The following IMMP2L variants were observed in gnomAD, a reference collection of about 807,000 sequenced individuals.
IMMP2L encodes inner mitochondrial membrane peptidase subunit 2.
A neutral mutation model predicts 19.3 loss-of-function variants in IMMP2L; 18 were observed. That is an observed-to-expected ratio of 0.93 (90% CI 0.64 to 1.38). The LOEUF is 1.38. Ranked by LOEUF, IMMP2L falls within the 40% of genes most tolerant of loss-of-function variation. The pLI is 0.00. For missense variants in IMMP2L, 233 were observed against 218.2 expected (o/e 1.07, Z -0.43); for synonymous variants, 76 against 73.0 (o/e 1.04, Z -0.21).
At chr7:110,763,324 T>C (rs1432460102) in intron 5 of IMMP2L, among the ~76,000 whole-genome samples, 1 of 152,156 alleles carries the variant, frequency 6.6e-6, no homozygotes, top group Non-Finnish European at 1.5e-5. Context: ...CTTTCAACCC[T>C]GACGACACAC....
At chr7:111,473,037 C>A (rs960750472) in intron 3 of IMMP2L, among the ~76,000 whole-genome samples, 2 of 151,936 alleles carry the variant, frequency 1.3e-5, no homozygotes, top group African/African-American at 4.8e-5. Context: ...TGTACGTATA[C>A]CCTATATTTA....
rs371301784 is a variant in IMMP2L, at chr7:110,994,836, A to C, written c.240-31271T>G. ...GTGACTCACAGGATATTGTACAGCA[A>C]GAAGGAGTTAAGCTTTAACACTTCT... On this transcript the variant is annotated intron_variant, in intron 3 of 5. Coordinates refer to ENST00000405709, the MANE Select transcript of IMMP2L (RefSeq NM_032549.4). Among the ~76,000 whole-genome samples, 117 of 152,296 alleles carry C rather than the reference A, an allele frequency of 7.7e-4. 1 individual carries two copies. Among genetic ancestry groups the C allele is most frequent in the African/African-American group, 2.7e-3 (114 of 41,582 alleles).
intron 3 of IMMP2L, chr7:111,392,060 T>C (rs1305875922): frequency 1.4e-6 from 1 of 696,946 alleles, no homozygotes; most frequent in East Asian, 2.7e-5. Context: ...TTGATTGCAT[T>C]TATATCCAGC....
intron 3 of IMMP2L, among the ~76,000 whole-genome samples, chr7:111,309,470 A>G (rs1563042017): frequency 6.6e-6 from 1 of 152,168 alleles, no homozygotes. Flanking sequence ...ACCATTTAGT[A>G]TATCAGAAGT....
At chr7:111,085,714 A>G (rs1357733770) in intron 3 of IMMP2L, among the ~76,000 whole-genome samples, 1 of 152,204 alleles carries the variant, frequency 6.6e-6, no homozygotes, top group Non-Finnish European at 1.5e-5. Flanking sequence ...TATTCACAAC[A>G]GCAAAGATAT....
chr7:111,304,403 C>T lies in IMMP2L; in HGVS notation c.239+182835G>A, dbSNP rs184547597. On this transcript the variant is annotated intron_variant, in intron 3 of 5. Coordinates refer to ENST00000405709, the MANE Select transcript of IMMP2L (RefSeq NM_032549.4). ...AAAGGGGACAATAGTAAAAATCATG[C>T]CCCAAATGGAAATGAAATTAGCACC... 1.4e-3 allele frequency among the ~76,000 whole-genome samples: 213 copies of T among 151,826 alleles called. 1 individual carries two copies. The highest frequency in any genetic ancestry group is 4.9e-3 in the African/African-American group (205 of 41,434).
intron 5 of IMMP2L, among the ~76,000 whole-genome samples, chr7:110,843,093 C>T (rs978106603): frequency 6.6e-6 from 1 of 150,952 alleles, no homozygotes; most frequent in Admixed American, 6.6e-5. Context: ...AATTCTAAAA[C>T]TCAATCTTTA....
intron 3 of IMMP2L, among the ~76,000 whole-genome samples, chr7:111,290,827 AACACACACACAC>A (rs541375499): frequency 3.0e-5 from 4 of 135,014 alleles, no homozygotes; most frequent in African/African-American, 8.0e-5. Flanking sequence ...TATATATACA[AACACACACACAC>A]ACACACACAC....
At chr7:111,461,684 T>C (rs970215757) in intron 3 of IMMP2L, among the ~76,000 whole-genome samples, 4 of 152,164 alleles carry the variant, frequency 2.6e-5, no homozygotes, top group African/African-American at 4.8e-5. Context: ...ATCGCTCTTA[T>C]GATGCTCTTT....
chr7:110,929,800 C>G (rs1006153416), intron 4 of IMMP2L, among the ~76,000 whole-genome samples: 1 of 152,120 alleles, frequency 6.6e-6, no homozygotes, highest in African/African-American at 2.4e-5. Context: ...AGGAATGAGT[C>G]ACTTACTAAT....
intron 3 of IMMP2L, among the ~76,000 whole-genome samples, chr7:111,038,965 T>C (rs1791618038): frequency 6.6e-6 from 1 of 152,150 alleles, no homozygotes; most frequent in Admixed American, 6.6e-5. Context: ...GAAATATATT[T>C]CTAAGCCTTG....
intron 3 of IMMP2L, among the ~76,000 whole-genome samples, chr7:111,336,509 A>G (rs1250957704): frequency 1.3e-5 from 2 of 152,030 alleles, no homozygotes; most frequent in Non-Finnish European, 2.9e-5. Context: ...TGGATCTCTC[A>G]ATACTATCTT....
At chr7:111,032,855 C>G (rs1254250697) in intron 3 of IMMP2L, among the ~76,000 whole-genome samples, 1 of 151,364 alleles carries the variant, frequency 6.6e-6, no homozygotes, top group African/African-American at 2.4e-5. Flanking sequence ...TGTGGTGGCT[C>G]ATGCCTGTAA....
Position 111,521,573 on chromosome 7 carries a change from A to G in IMMP2L, c.-2-124T>C, listed in dbSNP as rs1846335193. On this transcript the variant is annotated intron_variant, in intron 1 of 5. Transcript: ENST00000405709. ...AATCTTGTCTCTTAATATATTACAC[A>G]CTCATTCCTGTAACCATTAGAATAA... The G allele has an allele frequency of 5.6e-6, 4 of 710,168 alleles. No individual in the cohort carries two copies. In the South Asian group the frequency reaches 9.8e-5, roughly 17 times the overall value. 44.0% of individuals were successfully genotyped at this position (710,168 alleles called of 1,614,324 possible). A position where few individuals can be genotyped will look rare whatever the true frequency, so the allele number is the denominator to read the frequency against.
At chr7:110,892,239 G>T in intron 4 of IMMP2L, among the ~76,000 whole-genome samples, 1 of 151,962 alleles carries the variant, frequency 6.6e-6, no homozygotes, top group East Asian at 1.9e-4. Context: ...AACTCATATC[G>T]CAGGAAAAAA....
intron 3 of IMMP2L, among the ~76,000 whole-genome samples, chr7:111,008,408 A>G (rs1026546675): frequency 2.6e-5 from 4 of 151,948 alleles, no homozygotes; most frequent in Admixed American, 6.6e-5. Context: ...CTTCCCCCAG[A>G]TATCTTCATG....
chr7:110,943,298 T>C (rs2129553239), intron 4 of IMMP2L, among the ~76,000 whole-genome samples: 1 of 152,102 alleles, frequency 6.6e-6, no homozygotes, highest in South Asian at 2.1e-4. Flanking sequence ...TACATGCTCA[T>C]TCGATGTGTG....
intron 5 of IMMP2L, among the ~76,000 whole-genome samples, chr7:110,826,477 C>T (rs1803498150): frequency 6.6e-6 from 1 of 152,250 alleles, no homozygotes; most frequent in East Asian, 1.9e-4. Context: ...GAAAATGTGG[C>T]ACATATACAC....
At chr7:110,810,802 A>G (rs1801984738) in intron 5 of IMMP2L, among the ~76,000 whole-genome samples, 2 of 152,072 alleles carry the variant, frequency 1.3e-5, no homozygotes, top group African/African-American at 2.4e-5. Context: ...GTTTGTACTG[A>G]TATGTTATTT....
Sources: gnomAD v4.1 joint callset for allele counts (sites outside exome capture counted in the v4.1 genomes callset) on GRCh38, gnomAD v4.1.1 for gene constraint, MANE v1.5 for transcripts, NCBI Gene and HGNC (gene_info 2026-07-23, HGNC 2026-07-21) for gene names.